ATP9A: variants seen among roughly 807,000 people sequenced by gnomAD.
The protein encoded by ATP9A is ATPase phospholipid transporting 9A.
A neutral mutation model predicts 144.1 loss-of-function variants in ATP9A; 52 were observed. That is an observed-to-expected ratio of 0.36 (90% CI 0.29 to 0.45). ATP9A has a LOEUF of 0.45. Ranked by LOEUF, ATP9A falls within the 20% of genes least tolerant of loss-of-function variation. The pLI is 1.00. For missense variants in ATP9A, 947 were observed against 1,392.7 expected (o/e 0.68, Z 5.09); for synonymous variants, 582 against 557.4 (o/e 1.04, Z -0.62).
At chr20:51,680,368 GAGA>G (rs1213452025) in intron 9 of ATP9A, among the ~76,000 whole-genome samples, 1 of 151,816 alleles carries the variant, frequency 6.6e-6, no homozygotes, top group African/African-American at 2.4e-5. Flanking sequence ...CTAAAAGTTT[GAGA>G]AGAACTGGGC....
chr20:51,640,684 T>G (rs774520054), intron 14 of ATP9A, among the ~76,000 whole-genome samples: 8 of 152,254 alleles, frequency 5.3e-5, no homozygotes, highest in Non-Finnish European at 1.2e-4. Flanking sequence ...ATACTCAGCT[T>G]AAGGTCAAAG....
chr20:51,615,779 G>A (rs934765242), intron 22 of ATP9A, among the ~76,000 whole-genome samples: 18 of 152,130 alleles, frequency 1.2e-4, no homozygotes, highest in Admixed American at 9.2e-4. Flanking sequence ...AGAATTACAG[G>A]CACCCACTGC....
At chr20:51,612,588 C>A (rs901295145) in intron 23 of ATP9A, among the ~76,000 whole-genome samples, 3 of 152,110 alleles carry the variant, frequency 2.0e-5, no homozygotes, top group Non-Finnish European at 4.4e-5. Flanking sequence ...CCATGTCCAG[C>A]TAATTTTTGT....
chr20:51,675,504 C>G (rs1007035161), intron 10 of ATP9A, among the ~76,000 whole-genome samples: 1 of 152,128 alleles, frequency 6.6e-6, no homozygotes, highest in Non-Finnish European at 1.5e-5. Flanking sequence ...ACTCACAGGG[C>G]TGTTATGAAG....
At chr20:51,750,531 C>T (rs1459467067) in intron 1 of ATP9A, among the ~76,000 whole-genome samples, 1 of 152,216 alleles carries the variant, frequency 6.6e-6, no homozygotes, top group Non-Finnish European at 1.5e-5. Flanking sequence ...ATTTCCTAGA[C>T]ACCAAAACAA....
At chr20:51,702,365 CGTGTGTGTGTGTGTGT>C (rs10578719) in intron 4 of ATP9A, among the ~76,000 whole-genome samples, 12 of 130,220 alleles carry the variant, frequency 9.2e-5, no homozygotes, top group African/African-American at 2.2e-4. Context: ...TGTGTGTGTT[CGTGTGTGTGTGTGTGT>C]GTGTGTGTGT....
intron 1 of ATP9A, among the ~76,000 whole-genome samples, chr20:51,765,820 G>C (rs975689943): frequency 6.6e-6 from 1 of 152,026 alleles, no homozygotes; most frequent in Non-Finnish European, 1.5e-5. Context: ...AGCCGGGAGT[G>C]GTAGTGGGCA....
At chr20:51,727,975 T>C (rs2077722904) in intron 2 of ATP9A, among the ~76,000 whole-genome samples, 1 of 150,276 alleles carries the variant, frequency 6.7e-6, no homozygotes, top group Admixed American at 6.6e-5. Context: ...CTCAACTCCA[T>C]AAAATAACAC....
chr20:51,727,410 A>T (rs950684796), intron 2 of ATP9A, among the ~76,000 whole-genome samples: 3 of 151,998 alleles, frequency 2.0e-5, no homozygotes, highest in African/African-American at 4.8e-5. Flanking sequence ...ACATGGTAAA[A>T]CCCCATCACT....
At chr20:51,656,333 C>T (rs1342993582) in intron 14 of ATP9A, among the ~76,000 whole-genome samples, 4 of 152,208 alleles carry the variant, frequency 2.6e-5, no homozygotes, top group African/African-American at 9.7e-5. Flanking sequence ...CAGTGGATCA[C>T]CTGAGGTCAG....
At chr20:51,731,145 G>A (rs111556892) in intron 1 of ATP9A, among the ~76,000 whole-genome samples, 10,247 of 150,880 alleles carry the variant, frequency 0.068, 788 homozygotes, top group African/African-American at 0.19. Context: ...CTCTGCTGAA[G>A]ATACAAAAAT....
chr20:51,685,513 A>G (rs2077519378), intron 9 of ATP9A, among the ~76,000 whole-genome samples: 1 of 152,136 alleles, frequency 6.6e-6, no homozygotes, highest in Non-Finnish European at 1.5e-5. Context: ...CAGTGAGCCA[A>G]GATCACAACA....
intron 27 of ATP9A, among the ~76,000 whole-genome samples, chr20:51,602,878 A>G (rs1261172094): frequency 2.6e-5 from 4 of 152,120 alleles, no homozygotes; most frequent in South Asian, 2.1e-4. Flanking sequence ...ATAATATTAT[A>G]TATACATCTC....
intron 8 of ATP9A, among the ~76,000 whole-genome samples, chr20:51,690,321 G>A (rs945889127): frequency 6.6e-6 from 1 of 151,576 alleles, no homozygotes; most frequent in African/African-American, 2.4e-5. Flanking sequence ...TTGGGAGGCT[G>A]AGGCAGGAGA....
intron 9 of ATP9A, among the ~76,000 whole-genome samples, chr20:51,681,024 C>A (rs1027462992): frequency 6.6e-6 from 1 of 152,190 alleles, no homozygotes; most frequent in Admixed American, 6.5e-5. Flanking sequence ...CTCCACAAGG[C>A]ATCTCCCATG....
intron 14 of ATP9A, among the ~76,000 whole-genome samples, chr20:51,641,795 C>T (rs1207423281): frequency 7.6e-6 from 1 of 132,090 alleles, no homozygotes; most frequent in Non-Finnish European, 1.6e-5. Flanking sequence ...CGCGCCATTG[C>T]ACTCCAGTTT....
intron 4 of ATP9A, among the ~76,000 whole-genome samples, chr20:51,711,458 G>A (rs1041984238): frequency 6.6e-6 from 1 of 152,176 alleles, no homozygotes; most frequent in African/African-American, 2.4e-5. Context: ...CCTTGGCTCA[G>A]GTGCTAAGTC....
intron 1 of ATP9A, among the ~76,000 whole-genome samples, chr20:51,763,626 T>G (rs1193932751): frequency 1.3e-5 from 2 of 152,206 alleles, no homozygotes; most frequent in Non-Finnish European, 2.9e-5. Flanking sequence ...TTACATACTT[T>G]CAATAGATGT....
chr20:51,716,337 C>T (rs2077661691), intron 3 of ATP9A, among the ~76,000 whole-genome samples: 1 of 151,968 alleles, frequency 6.6e-6, no homozygotes, highest in African/African-American at 2.4e-5. Flanking sequence ...TGGCTCACAC[C>T]TATAATCCCA....
Sources: allele counts gnomAD v4.1 joint callset (sites outside exome capture counted in the v4.1 genomes callset), GRCh38; gene constraint gnomAD v4.1.1; transcripts MANE v1.5; gene names NCBI Gene and HGNC (gene_info 2026-07-23, HGNC 2026-07-21).